The following CXCL13 variants were observed in gnomAD, a reference collection of about 807,000 sequenced individuals.
CXCL13 encodes C-X-C motif chemokine ligand 13.
CXCL13 carries 7 observed loss-of-function variants against 12.2 expected under a neutral mutation model. That is an observed-to-expected ratio of 0.57 (90% CI 0.33 to 1.07). The LOEUF is 1.07. Ranked by LOEUF, CXCL13 falls within the 50% of genes least tolerant of loss-of-function variation. The pLI, the probability that CXCL13 is intolerant of heterozygous loss-of-function variation, is 0.04. For synonymous variants in CXCL13, 47 were observed against 42.4 expected, an observed-to-expected ratio of 1.11 and a Z score of -0.42; for missense variants, 113 against 127.4, an observed-to-expected ratio of 0.89 and a Z score of 0.55.
At chr4:77,565,345 A>G (rs1361029766) in intron 1 of CXCL13, among the ~76,000 whole-genome samples, 1 of 152,120 alleles carries the variant, frequency 6.6e-6, no homozygotes, top group Non-Finnish European at 1.5e-5. Flanking sequence ...CCTCCCCCAA[A>G]CACAACTCAG....
chr4:77,526,224 C>T (rs1724760029), intron 1 of CXCL13, among the ~76,000 whole-genome samples: 1 of 151,884 alleles, frequency 6.6e-6, no homozygotes, highest in Admixed American at 6.6e-5. Context: ...AGGTTTGTTT[C>T]ATGGCAAATA....
At chr4:77,553,402 G>T (rs574211501) in intron 1 of CXCL13, among the ~76,000 whole-genome samples, 6 of 152,212 alleles carry the variant, frequency 3.9e-5, no homozygotes, top group Non-Finnish European at 7.3e-5. Flanking sequence ...GGTTAAAAAT[G>T]GTGTCCTGCC....
At chr4:77,577,516 T>G (rs1726226179) in intron 1 of CXCL13, among the ~76,000 whole-genome samples, 1 of 152,194 alleles carries the variant, frequency 6.6e-6, no homozygotes, top group Non-Finnish European at 1.5e-5. Flanking sequence ...TAAGCCAAGC[T>G]TCCCATTTCA....
chr4:77,548,015 AT>A (rs757028634), intron 1 of CXCL13, among the ~76,000 whole-genome samples: 2 of 152,138 alleles, frequency 1.3e-5, no homozygotes, highest in African/African-American at 2.4e-5. Context: ...TGGATATGAA[AT>A]TCTGGGTTGA....
intron 1 of CXCL13, among the ~76,000 whole-genome samples, chr4:77,559,242 G>A (rs1273016320): frequency 6.6e-6 from 1 of 152,172 alleles, no homozygotes; most frequent in African/African-American, 2.4e-5. Flanking sequence ...CAACACCTGG[G>A]GAAGAAAGGG....
intron 1 of CXCL13, among the ~76,000 whole-genome samples, chr4:77,579,859 G>A (rs1726275861): frequency 6.6e-6 from 1 of 152,162 alleles, no homozygotes; most frequent in Non-Finnish European, 1.5e-5. Context: ...TTTTTTGCCT[G>A]TTATGAGCAA....
chr4:77,547,772 A>C (rs150162267), intron 1 of CXCL13, among the ~76,000 whole-genome samples: 5,797 of 152,280 alleles, frequency 0.038, 146 homozygotes, highest in Middle Eastern at 0.085. Context: ...TGACCCTGTC[A>C]TTATGATGTT....
At chr4:77,547,284 T>G (rs1215665138) in intron 1 of CXCL13, among the ~76,000 whole-genome samples, 2 of 152,206 alleles carry the variant, frequency 1.3e-5, no homozygotes, top group Admixed American at 1.3e-4. Flanking sequence ...CTGGATATCC[T>G]TGTTAATTTT....
At chr4:77,569,544 A>C (rs1726014689) in intron 1 of CXCL13, among the ~76,000 whole-genome samples, 1 of 152,170 alleles carries the variant, frequency 6.6e-6, no homozygotes, top group Admixed American at 6.5e-5. Flanking sequence ...CTACACACAC[A>C]GTACCTAGGA....
chr4:77,515,186 G>T (rs185173652), intron 1 of CXCL13, among the ~76,000 whole-genome samples: 1 of 152,110 alleles, frequency 6.6e-6, no homozygotes, highest in African/African-American at 2.4e-5. Context: ...TAGTACCAGT[G>T]CCATGCTGTT....
intron 1 of CXCL13, among the ~76,000 whole-genome samples, chr4:77,575,699 C>A (rs1001284747): frequency 6.6e-6 from 1 of 151,690 alleles, no homozygotes; most frequent in Non-Finnish European, 1.5e-5. Context: ...AATCAAACTT[C>A]AGTTTCAAAA....
At chr4:77,542,325 G>A (rs906497350) in intron 1 of CXCL13, among the ~76,000 whole-genome samples, 1 of 152,086 alleles carries the variant, frequency 6.6e-6, no homozygotes, top group Non-Finnish European at 1.5e-5. Flanking sequence ...TGCTTTTTCA[G>A]TATAATGTTG....
chr4:77,548,486 A>T (rs1725430336), intron 1 of CXCL13, among the ~76,000 whole-genome samples: 1 of 152,204 alleles, frequency 6.6e-6, no homozygotes, highest in South Asian at 2.1e-4. Context: ...TTTCTACTTT[A>T]TGCATATTTT....
chr4:77,521,262 T>G (rs1724590101), intron 1 of CXCL13, among the ~76,000 whole-genome samples: 1 of 152,220 alleles, frequency 6.6e-6, no homozygotes, highest in Non-Finnish European at 1.5e-5. Context: ...CCTCTTTTTC[T>G]ATTGATTGTA....
At chr4:77,525,142 G>C (rs1215557690) in intron 1 of CXCL13, among the ~76,000 whole-genome samples, 1 of 152,282 alleles carries the variant, frequency 6.6e-6, no homozygotes, top group Non-Finnish European at 1.5e-5. Context: ...CAGCACAAAG[G>C]CTTTTCTCTG....
intron 1 of CXCL13, among the ~76,000 whole-genome samples, chr4:77,519,539 T>A (rs1724522651): frequency 6.6e-6 from 1 of 152,172 alleles, no homozygotes; most frequent in Non-Finnish European, 1.5e-5. Flanking sequence ...TCTGTTCATA[T>A]CCTTTGCCTA....
At chr4:77,594,752 C>T (rs990921410) in intron 1 of CXCL13, among the ~76,000 whole-genome samples, 19 of 151,988 alleles carry the variant, frequency 1.3e-4, no homozygotes, top group African/African-American at 3.4e-4. Context: ...TCAGGCCTGT[C>T]GGGGTAGGAG....
At chr4:77,532,191 T>A (rs1218556043) in intron 1 of CXCL13, among the ~76,000 whole-genome samples, 1 of 152,216 alleles carries the variant, frequency 6.6e-6, no homozygotes, top group Non-Finnish European at 1.5e-5. Context: ...GTACCAGTTG[T>A]TCCTTTCCAT....
At chr4:77,529,986 G>A (rs187337970) in intron 1 of CXCL13, among the ~76,000 whole-genome samples, 5 of 152,336 alleles carry the variant, frequency 3.3e-5, no homozygotes, top group Admixed American at 2.6e-4. Flanking sequence ...TTAGCATGAA[G>A]CGTTGTTGAA....
Sources: allele counts gnomAD v4.1 joint callset (sites outside exome capture counted in the v4.1 genomes callset), GRCh38; gene constraint gnomAD v4.1.1; transcripts MANE v1.5; gene names NCBI Gene and HGNC (gene_info 2026-07-23, HGNC 2026-07-21).